SYTL2: variants seen among roughly 807,000 people sequenced by gnomAD.
SYTL2 encodes synaptotagmin-like protein 2.
Under a neutral mutation model 198.7 loss-of-function variants are expected in SYTL2, and 165 were observed. The ratio of observed to expected loss-of-function variants is 0.83; its 90% CI spans 0.73 to 0.94. The LOEUF (loss-of-function observed/expected upper bound fraction) is 0.94, where lower values mean the gene tolerates loss of function less well. Ranked by LOEUF, SYTL2 falls within the 40% of genes least tolerant of loss-of-function variation. SYTL2 has a pLI of 0.00. For missense variants in SYTL2, 2,835 were observed against 2,582.8 expected, an observed-to-expected ratio of 1.10 and a Z score of -2.12; for synonymous variants, 966 against 917.7, an observed-to-expected ratio of 1.05 and a Z score of -0.95.
chr11:85,801,274 A>G (rs1480104981), intron 1 of SYTL2, among the ~76,000 whole-genome samples: 1 of 152,054 alleles, frequency 6.6e-6, no homozygotes, highest in East Asian at 1.9e-4. Context: ...GAAATACAAA[A>G]AGGGGCCTTA....
intron 1 of SYTL2, among the ~76,000 whole-genome samples, chr11:85,805,438 T>C (rs1408457139): frequency 6.6e-6 from 1 of 151,972 alleles, no homozygotes; most frequent in African/African-American, 2.4e-5. Flanking sequence ...TCTAACACAA[T>C]ACAGCTCAGC....
intron 3 of SYTL2, 21 bp downstream of exon 3, chr11:85,748,251 G>C: frequency 6.2e-7 from 1 of 1,605,522 alleles, no homozygotes; most frequent in Non-Finnish European, 8.5e-7. Flanking sequence ...TGTTGTAAAT[G>C]CACTAGCCAA....
intron 4 of SYTL2, among the ~76,000 whole-genome samples, chr11:85,737,868 C>T (rs1339920289): frequency 1.3e-5 from 2 of 152,166 alleles, no homozygotes; most frequent in Non-Finnish European, 2.9e-5. Context: ...GTGAAGTGAG[C>T]AGGCTCCCTC....
At chr11:85,822,660 G>T in the SYTL2 span, among the ~76,000 whole-genome samples, 2 of 152,198 alleles carry the variant, frequency 1.3e-5, no homozygotes, top group East Asian at 3.8e-4. Flanking sequence ...GATTGGGATA[G>T]ATCTGGCCAT....
the SYTL2 span, among the ~76,000 whole-genome samples, chr11:85,817,670 T>C: frequency 2.0e-5 from 3 of 152,266 alleles, no homozygotes; most frequent in South Asian, 6.2e-4. Context: ...TTCTCATTGT[T>C]TCAGTGGCAA....
the SYTL2 span, among the ~76,000 whole-genome samples, chr11:85,834,138 A>T: frequency 3.3e-5 from 5 of 152,296 alleles, no homozygotes; most frequent in South Asian, 1.0e-3. Flanking sequence ...TCACAGAAAA[A>T]ATAAAATATA....
the SYTL2 span, among the ~76,000 whole-genome samples, chr11:85,848,332 T>C: frequency 1.3e-5 from 2 of 151,870 alleles, no homozygotes; most frequent in Non-Finnish European, 1.5e-5. Context: ...GAAGTTCAAG[T>C]TCTTTTTTTC....
intron 4 of SYTL2, among the ~76,000 whole-genome samples, chr11:85,741,623 T>C (rs1351964301): frequency 6.6e-6 from 1 of 152,184 alleles, no homozygotes; most frequent in African/African-American, 2.4e-5. Flanking sequence ...AAATATCAGA[T>C]GCATTATCTC....
rs2153633404 is a variant in SYTL2 at position 85,794,453 on chromosome 11, A to T, written c.-390+16501T>A. On this transcript the variant is annotated intron_variant, in intron 1 of 19. Transcript: ENST00000359152. ...CTCAGCCTCCCAAAGTGCTGGGATTACAGTCACGAGCCACCACGCCCAGCC... is the reference window on the plus strand; with the variant it reads ...CTCAGCCTCCCAAAGTGCTGGGATTTCAGTCACGAGCCACCACGCCCAGCC... 1.3e-5 allele frequency among the ~76,000 whole-genome samples: 2 copies of T among 152,308 alleles called. 1 individual carries two copies. The highest frequency in any genetic ancestry group is 4.1e-4 in the South Asian group (2 of 4,832).
intron 1 of SYTL2, among the ~76,000 whole-genome samples, chr11:85,758,772 C>G (rs759185089): frequency 6.6e-6 from 1 of 152,180 alleles, no homozygotes; most frequent in African/African-American, 2.4e-5. Context: ...GAGGATTTTT[C>G]AGTTGCACAA....
At chr11:85,835,789 G>C in the SYTL2 span, among the ~76,000 whole-genome samples, 1 of 152,104 alleles carries the variant, frequency 6.6e-6, no homozygotes, top group Admixed American at 6.5e-5. Context: ...GTTTTCTCTT[G>C]AGAAAAAGCC....
intron 4 of SYTL2, among the ~76,000 whole-genome samples, chr11:85,740,040 C>T (rs536673678): frequency 3.3e-5 from 5 of 152,264 alleles, no homozygotes; most frequent in Middle Eastern, 3.4e-3. Context: ...AACCATTCTA[C>T]GTTCTACCAC....
At position 85,726,600 on chromosome 11, in the gene SYTL2, A is replaced by G; in HGVS notation, c.2758T>C (p.Leu920=). 1 of 1,557,612 alleles carries G rather than the reference A, an allele frequency of 6.4e-7. No homozygotes were observed. Among genetic ancestry groups the G allele is most frequent in the South Asian group, 1.1e-5 (1 of 87,120 alleles). The change falls in exon 8 of 20, where the codon TTG becomes CTG. Residue 920 remains leucine, a synonymous_variant. Transcript: ENST00000359152. The part of the protein sequence containing the change: ...PIKRSQVADS[L]PSRRNITLPA... The stretch of plus-strand genomic sequence containing the variant: ...AAAGTAATGTTTCTTCTAGAAGGCA[A>G]ACTGTCTGCCACTTGTGATCTTTTT...
chr11:85,705,238 A>T (rs1053500653), intron 15 of SYTL2: 6 of 435,376 alleles, frequency 1.4e-5, no homozygotes, highest in Non-Finnish European at 2.5e-5. Flanking sequence ...TTGCTTCCCC[A>T]CTCTGGAAAA....
intron 1 of SYTL2, among the ~76,000 whole-genome samples, chr11:85,760,757 T>C (rs561680852): frequency 6.8e-6 from 1 of 147,010 alleles, no homozygotes; most frequent in African/African-American, 2.6e-5. Context: ...TCAAGCAGAA[T>C]ACAACCTAAC....
chr11:85,725,922 G>T lies in SYTL2; in HGVS notation c.3436C>A (p.Pro1146Thr). 1 of 1,614,146 alleles carries T rather than the reference G, an allele frequency of 6.2e-7. No individual in the cohort carries two copies. Among genetic ancestry groups the T allele is most frequent in the Admixed American group, 1.7e-5 (1 of 60,016 alleles). The change falls in exon 8 of 20, where the codon CCA becomes ACA. Residue 1146 changes from proline (P) to threonine (T), a missense_variant. Pro to Thr is a conservative substitution (Grantham distance 38, BLOSUM62 -1). Transcript: ENST00000359152. ...TTTCCACCAGAGGGTTGAATTGCTG[G>T]TGTTGAGGTTTCTGAAAGCAGTTTC... ...LQKLLSETST[P>T]AIQPSGGKVH... is the part of the protein sequence containing the mutation.
At chr11:85,711,325 C>A in intron 12 of SYTL2, 93 bp from the exon 13 acceptor site, 1 of 1,384,508 alleles carries the variant, frequency 7.2e-7, no homozygotes, top group East Asian at 2.4e-5. Flanking sequence ...TTTGGTATTC[C>A]ACTGACATTT....
rs2086213016 is a variant in SYTL2, at chr11:85,711,185, G to T, written c.5673C>A (p.Leu1891=). ...TDTASESSYQ[L]SRHKKSPSSL... is the part of the protein sequence containing the mutation. ...AGCTCGGGCTCTTCTTGTGTCTGCT[G>T]AGCTGGTAACTGCTTTCTGATGCTG... is the stretch of plus-strand genomic sequence containing the variant. The change falls in exon 13 of 20, where the codon CTC becomes CTA. Residue 1891 remains leucine (L), a synonymous_variant. Coordinates refer to ENST00000359152, the MANE Select transcript of SYTL2 (RefSeq NM_206927.4). 2 of 1,613,950 alleles carry T rather than the reference G, an allele frequency of 1.2e-6. No homozygotes were observed. The highest frequency in any genetic ancestry group is 2.2e-5 in the South Asian group (2 of 91,080).
intron 1 of SYTL2, among the ~76,000 whole-genome samples, chr11:85,760,742 C>T (rs540313463): frequency 9.9e-5 from 15 of 152,098 alleles, no homozygotes; most frequent in South Asian, 4.2e-4. Context: ...TTGGCTTCCA[C>T]GCCTTCAAGC....
Sources: allele counts gnomAD v4.1 joint callset (sites outside exome capture counted in the v4.1 genomes callset), GRCh38; gene constraint gnomAD v4.1.1; transcripts MANE v1.5; gene names NCBI Gene and HGNC (gene_info 2026-07-23, HGNC 2026-07-21).